Variants in PPFIBP2 observed in about 807,000 individuals in gnomAD.
PPFIBP2 encodes liprin-beta-2.
PPFIBP2 carries 118 observed loss-of-function variants against 118.3 expected under a neutral mutation model. That is an observed-to-expected ratio of 1.00 (90% CI 0.86 to 1.16). The LOEUF (loss-of-function observed/expected upper bound fraction) is 1.16. Ranked by LOEUF, PPFIBP2 falls within the 50% of genes most tolerant of loss-of-function variation. The pLI, the probability that PPFIBP2 is intolerant of heterozygous loss-of-function variation, is 0.00. For synonymous variants in PPFIBP2, 414 were observed against 397.4 expected, an observed-to-expected ratio of 1.04 and a Z score of -0.50; for missense variants, 1,195 against 1,073.1, an observed-to-expected ratio of 1.11 and a Z score of -1.59.
chr11:7,561,147 A>G (rs2134669553), intron 2 of PPFIBP2, among the ~76,000 whole-genome samples: 1 of 152,356 alleles, frequency 6.6e-6, no homozygotes, highest in South Asian at 2.1e-4. Context: ...AGCTCACTGC[A>G]ACCTCTGCCT....
At chr11:7,536,179 G>C (rs949354484) in intron 1 of PPFIBP2, among the ~76,000 whole-genome samples, 1 of 152,160 alleles carries the variant, frequency 6.6e-6, no homozygotes, top group East Asian at 1.9e-4. Context: ...TCTGAATCAG[G>C]GCTGTCACCG....
rs755474209 is a variant in PPFIBP2, at chr11:7,653,557, C to T, written c.*339C>T. The T allele has an allele frequency of 1.4e-5, 18 of 1,314,594 alleles. No homozygotes were observed. Among genetic ancestry groups the T allele is most frequent in the South Asian group, 4.9e-5 (4 of 81,220 alleles). The allele number at this position is 1,314,594 out of a possible 1,614,324, so 81.4% of individuals were successfully genotyped here. On this transcript the variant is annotated 3_prime_UTR_variant, in exon 24 of 24. Transcript: ENST00000299492. ...GGTCCAGAGACCATGGACACTCCCACGAGGCTCAGCTCTCAGGCACCCCCT... is the reference window on the plus strand; with the variant it reads ...GGTCCAGAGACCATGGACACTCCCATGAGGCTCAGCTCTCAGGCACCCCCT...
chr11:7,593,170 C>T lies in PPFIBP2; in HGVS notation c.318C>T (p.Thr106=). 6.2e-7 allele frequency: 1 copy of T among 1,614,032 alleles called. No homozygotes were observed. The highest frequency in any genetic ancestry group is 8.5e-7 in the Non-Finnish European group (1 of 1,179,974). The change falls in exon 4 of 24, where the codon ACC becomes ACT. Residue 106 remains threonine, a synonymous_variant. Transcript: ENST00000299492. The part of the protein sequence containing the change: ...VNHHSAASNE[T]YQERLARLEG... Reference sequence around the variant, plus strand: ...ACCACAGTGCTGCTAGTAATGAAACCTACCAGGAACGCTTGGCACGTCTAG... The same window carrying T: ...ACCACAGTGCTGCTAGTAATGAAACTTACCAGGAACGCTTGGCACGTCTAG...
At chr11:7,536,265 G>C (rs1358148685) in intron 1 of PPFIBP2, among the ~76,000 whole-genome samples, 2 of 152,258 alleles carry the variant, frequency 1.3e-5, no homozygotes, top group East Asian at 3.9e-4. Context: ...ACAAGCGGCT[G>C]GCTGGATGAG....
chr11:7,557,224 G>A (rs1189395483), intron 2 of PPFIBP2, among the ~76,000 whole-genome samples: 1 of 150,528 alleles, frequency 6.6e-6, no homozygotes, highest in Middle Eastern at 3.2e-3. Context: ...AATTTGCTTG[G>A]CTGCATTCTT....
At chr11:7,519,696 G>A (rs953167597) in intron 1 of PPFIBP2, among the ~76,000 whole-genome samples, 9 of 152,112 alleles carry the variant, frequency 5.9e-5, no homozygotes, top group African/African-American at 2.2e-4. Context: ...CTGGACAGCC[G>A]GACGGAGACG....
At chr11:7,524,886 G>A (rs563902672) in intron 1 of PPFIBP2, among the ~76,000 whole-genome samples, 1 of 152,282 alleles carries the variant, frequency 6.6e-6, no homozygotes, top group East Asian at 1.9e-4. Flanking sequence ...TTGACTGGAT[G>A]TCATGAAAAA....
In PPFIBP2 at chr11:7,603,132, G is replaced by A. The variant is rs116155928; in HGVS notation, c.486+5459G>A. Reference sequence around the variant, plus strand: ...TTAAACAGAGCTGTGTACATGTTCCGGTGGGAACACAAATCTGTCTGAGGT... The same window carrying A: ...TTAAACAGAGCTGTGTACATGTTCCAGTGGGAACACAAATCTGTCTGAGGT... On this transcript the variant is annotated intron_variant, in intron 5 of 23. Transcript: ENST00000299492. Among the ~76,000 whole-genome samples the A allele has an allele frequency of 4.9e-3, 752 of 152,260 alleles. 4 individuals are homozygous for A. The highest frequency in any genetic ancestry group is 0.017 in the African/African-American group (716 of 41,556).
chr11:7,661,233 T>C (rs1272252197), downstream of PPFIBP2, among the ~76,000 whole-genome samples: 1 of 146,580 alleles, frequency 6.8e-6, no homozygotes, highest in Non-Finnish European at 1.5e-5. Flanking sequence ...CTTTTAATTG[T>C]GATGTCAGGG....
Position 7,629,443 on chromosome 11 carries a change from A to G in PPFIBP2, c.889-16A>G, listed in dbSNP as rs768569633. On this transcript the variant is annotated splice_polypyrimidine_tract_variant and intron_variant, in intron 9 of 23. Transcript: ENST00000299492. The stretch of plus-strand genomic sequence containing the variant: ...CAGCATAGCATTAATCTAAATCTCT[A>G]CTTGCACTATGGCAGGACCGTCGGA... 3.1e-6 allele frequency: 5 copies of G among 1,611,472 alleles called. No individual in the cohort carries two copies. Among genetic ancestry groups the G allele is most frequent in the Non-Finnish European group, 4.2e-6 (5 of 1,177,592 alleles).
intron 2 of PPFIBP2, among the ~76,000 whole-genome samples, chr11:7,558,139 T>C (rs765735250): frequency 4.6e-5 from 7 of 152,258 alleles, no homozygotes; most frequent in Non-Finnish European, 1.0e-4. Flanking sequence ...GTTTATTTCT[T>C]GTACACATTG....
intron 2 of PPFIBP2, among the ~76,000 whole-genome samples, chr11:7,564,425 C>CATA (rs1168743687): frequency 6.6e-6 from 1 of 152,086 alleles, no homozygotes; most frequent in African/African-American, 2.4e-5. Flanking sequence ...TATGGATATA[C>CATA]ATAATAATAA....
At chr11:7,648,726 C>T (rs1420104688) in intron 18 of PPFIBP2, 74 bp from the exon 19 acceptor site, 13 of 1,491,440 alleles carry the variant, frequency 8.7e-6, no homozygotes, top group Non-Finnish European at 6.5e-6. Context: ...AGCATCTCCA[C>T]CCAGACACAG....
downstream of PPFIBP2, among the ~76,000 whole-genome samples, chr11:7,654,261 AAT>A (rs1854479010): frequency 6.7e-6 from 1 of 150,304 alleles, no homozygotes; most frequent in Non-Finnish European, 1.5e-5. Context: ...ACTGACTGAT[AAT>A]GACTGATAAT....
intron 2 of PPFIBP2, among the ~76,000 whole-genome samples, chr11:7,554,969 C>T (rs188188040): frequency 6.6e-6 from 1 of 152,056 alleles, no homozygotes; most frequent in East Asian, 1.9e-4. Context: ...AACCTTTGAT[C>T]TAGTCTTCCT....
chr11:7,649,286 C>G, intron 20 of PPFIBP2, 51 bp downstream of exon 20: 3 of 1,474,936 alleles, frequency 2.0e-6, no homozygotes, highest in Non-Finnish European at 2.8e-6. Flanking sequence ...GCACTCAGCT[C>G]ACGTGTACCC....
At position 7,648,331 on chromosome 11, in the gene PPFIBP2, A is replaced by T. The variant is rs2135983090; in HGVS notation, c.1647-56A>T. 2.6e-6 allele frequency: 4 copies of T among 1,545,200 alleles called. No individual in the cohort carries two copies. In the South Asian group the frequency reaches 4.8e-5, roughly 18 times the overall value. On this transcript the variant is annotated intron_variant, in intron 17 of 23. Transcript: ENST00000299492. ...TCTTTTGTTTGTGAGACATGATTAGATTCAGAACCTCAGGCTCTCCCACTA... is the reference window on the plus strand; with the variant it reads ...TCTTTTGTTTGTGAGACATGATTAGTTTCAGAACCTCAGGCTCTCCCACTA...
intron 1 of PPFIBP2, chr11:7,538,169 C>G (rs887052267): frequency 2.0e-5 from 3 of 152,298 alleles, no homozygotes; most frequent in Non-Finnish European, 2.9e-5. Flanking sequence ...ACCTCAGACT[C>G]ACACCCGTTT....
chr11:7,591,487 C>T (rs1859305044), intron 3 of PPFIBP2, among the ~76,000 whole-genome samples: 1 of 95,134 alleles, frequency 1.1e-5, no homozygotes, highest in African/African-American at 3.3e-5. Context: ...TTCTCTGGTT[C>T]TGAGAAAATA....
Sources: allele counts gnomAD v4.1 joint callset (sites outside exome capture counted in the v4.1 genomes callset), GRCh38; gene constraint gnomAD v4.1.1; transcripts MANE v1.5; gene names NCBI Gene and HGNC (gene_info 2026-07-23, HGNC 2026-07-21).